Variants in BRME1 observed in about 807,000 individuals in gnomAD.
The protein encoded by BRME1 is break repair meiotic recombinase recruitment factor 1, also known as BRCA2 and MEILB2-associating protein 1.
In BRME1, 31 loss-of-function variants were observed where a neutral mutation model predicts 52.6. The ratio of observed to expected loss-of-function variants is 0.59; its 90% CI spans 0.44 to 0.80. The LOEUF is 0.80. BRME1 is among the 30% of genes least tolerant of loss of function. The pLI is 0.00. For synonymous variants in BRME1, 359 were observed against 353.6 expected (o/e 1.02, Z -0.17); for missense variants, 804 against 860.3 (o/e 0.93, Z 0.82).
intron 3 of BRME1, among the ~76,000 whole-genome samples, chr19:13,894,287 G>A (rs1022783018): frequency 9.8e-5 from 15 of 152,324 alleles, no homozygotes; most frequent in Admixed American, 2.0e-4. Context: ...CACTTTGGGA[G>A]GCCGAGGCGG....
rs527298477 is a variant in BRME1 at position 13,889,941 on chromosome 19, G to A, written c.915C>T (p.Ala305=). 6.5e-5 allele frequency: 105 copies of A among 1,612,660 alleles called. 1 individual carries two copies. In the South Asian group the frequency reaches 1.1e-3, roughly 16 times the overall value. The change falls in exon 6 of 9, where the codon GCC becomes GCT. Residue 305 remains alanine (A), a synonymous_variant. Transcript: ENST00000586783. The stretch of plus-strand genomic sequence containing the variant: ...TCTGCTGGGGGTCAGGGGAGCCCTG[G>A]GCCACAGACCCGGGTTCCAGGCACC... The part of the protein sequence containing the change: ...ASWCLEPGSV[A]QGSPDPQQTP...
At chr19:13,904,959 C>G (rs1970573115) in intron 1 of BRME1, 46 bp from the exon 2 acceptor site, 1 of 1,494,326 alleles carries the variant, frequency 6.7e-7, no homozygotes, top group Non-Finnish European at 9.3e-7. Context: ...GTCTCTGTCT[C>G]TGTTTATATC....
chr19:13,889,142 G>C (rs1324584307), intron 6 of BRME1, 46 bp downstream of exon 6: 2 of 1,499,202 alleles, frequency 1.3e-6, no homozygotes, highest in Non-Finnish European at 8.9e-7. Flanking sequence ...TGGAGGTTGG[G>C]TGCCTGCCCT....
chr19:13,890,918 T>C (rs1056410259), intron 5 of BRME1, among the ~76,000 whole-genome samples: 1 of 151,954 alleles, frequency 6.6e-6, no homozygotes, highest in East Asian at 1.9e-4. Flanking sequence ...ACCAATCTAA[T>C]AGTTGTCACC....
intron 7 of BRME1, 88 bp downstream of exon 7, chr19:13,885,873 G>T: frequency 8.6e-7 from 1 of 1,157,922 alleles, no homozygotes; most frequent in Non-Finnish European, 1.3e-6. Context: ...CAGGGAGGGA[G>T]AACTGGGGTC....
chr19:13,888,741 C>T lies in BRME1; in HGVS notation c.1668+447G>A, dbSNP rs1969221494. On this transcript the variant is annotated intron_variant, in intron 6 of 8. Coordinates refer to ENST00000586783, the MANE Select transcript of BRME1 (RefSeq NM_001345843.2). This position sits in a 1 kb window ranked among gnomAD's most constrained non-coding sequence, Gnocchi z 4.1. Reference sequence around the variant, plus strand: ...AGGACCCTAAGGAGATGGGCAAAGGCTCTTTTGCAGCTTGGGAGTGAAGCC... The same window carrying T: ...AGGACCCTAAGGAGATGGGCAAAGGTTCTTTTGCAGCTTGGGAGTGAAGCC... Among the ~76,000 whole-genome samples, 1 of 152,174 alleles carries T rather than the reference C, an allele frequency of 6.6e-6. No homozygotes were observed. Among genetic ancestry groups the T allele is most frequent in the Admixed American group, 6.5e-5 (1 of 15,274 alleles).
At chr19:13,904,941 T>C (rs201023111) in intron 1 of BRME1, 28 bp from the exon 2 acceptor site, 15 of 1,560,738 alleles carry the variant, frequency 9.6e-6, no homozygotes, top group African/African-American at 1.4e-5. Context: ...CTCTCATCAT[T>C]ATAAGCAGTC....
intron 2 of BRME1, among the ~76,000 whole-genome samples, chr19:13,901,199 A>G (rs990274293): frequency 6.7e-6 from 1 of 148,734 alleles, no homozygotes; most frequent in Admixed American, 6.7e-5. Context: ...CTGGTCATGA[A>G]CTCCTGGTCT....
At chr19:13,896,748 T>A (rs1008982083) in intron 2 of BRME1, among the ~76,000 whole-genome samples, 1 of 151,406 alleles carries the variant, frequency 6.6e-6, no homozygotes, top group African/African-American at 2.4e-5. Context: ...TAGAGTGAGG[T>A]GGTGCAACTG....
At chr19:13,886,794 T>TAAA (rs1223818237) in intron 6 of BRME1, among the ~76,000 whole-genome samples, 1 of 55,328 alleles carries the variant, frequency 1.8e-5, no homozygotes, top group African/African-American at 1.9e-4. Flanking sequence ...ACCCTGTCTG[T>TAAA]ACAAAAAAAA....
rs560607474 is a variant in BRME1 at position 13,890,819 on chromosome 19, A to G, written c.394-357T>C. Among the ~76,000 whole-genome samples the G allele has an allele frequency of 4.6e-5, 7 of 152,214 alleles. No individual in the cohort carries two copies. The East Asian group carries it at 1.4e-3, about 30-fold the overall frequency. On this transcript the variant is annotated intron_variant, in intron 5 of 8. Transcript: ENST00000586783. ...GAGGCGGAGGTTGCAGTGAGCCGAG[A>G]TAGGACTGCACTCCAGCCTGGACGA...
At chr19:13,902,878 T>C (rs940704307) in intron 2 of BRME1, among the ~76,000 whole-genome samples, 1 of 149,440 alleles carries the variant, frequency 6.7e-6, no homozygotes, top group Non-Finnish European at 1.5e-5. Flanking sequence ...TAAGCCGAGA[T>C]CGCGCCACTG....
At position 13,888,717 on chromosome 19, in the gene BRME1, G is replaced by A. The variant is rs1191818725; in HGVS notation, c.1668+471C>T. Among the ~76,000 whole-genome samples the A allele has an allele frequency of 6.6e-6, 1 of 152,196 alleles. No homozygotes were observed. Among genetic ancestry groups the A allele is most frequent in the African/African-American group, 2.4e-5 (1 of 41,444 alleles). On this transcript the variant is annotated intron_variant, in intron 6 of 8. Coordinates refer to ENST00000586783, the MANE Select transcript of BRME1 (RefSeq NM_001345843.2). This position sits in a 1 kb window ranked among gnomAD's most constrained non-coding sequence, Gnocchi z 4.1. ...AAAGAATCATATCAGGACCCCCAGA[G>A]GACCCTAAGGAGATGGGCAAAGGCT...
intron 3 of BRME1, 48 bp from the exon 4 acceptor site, chr19:13,893,271 G>C (rs1317344803): frequency 2.0e-6 from 3 of 1,492,390 alleles, no homozygotes; most frequent in Non-Finnish European, 2.7e-6. Context: ...GGGTGCGGTG[G>C]CTCACACCTG....
chr19:13,900,896 C>T (rs942806980), intron 2 of BRME1, among the ~76,000 whole-genome samples: 2 of 151,960 alleles, frequency 1.3e-5, no homozygotes, highest in South Asian at 2.1e-4. Flanking sequence ...GGTCTCGAAC[C>T]CTGACCTCAA....
chr19:13,892,753 C>T (rs371213882), intron 5 of BRME1, 33 bp downstream of exon 5: 4 of 1,582,244 alleles, frequency 2.5e-6, no homozygotes, highest in Admixed American at 3.3e-5. Context: ...TGCACCTGCG[C>T]TGGGCTCAGC....
At chr19:13,893,943 G>A (rs1157941997) in intron 3 of BRME1, among the ~76,000 whole-genome samples, 1 of 151,248 alleles carries the variant, frequency 6.6e-6, no homozygotes, top group Non-Finnish European at 1.5e-5. Context: ...CTGCTAGATG[G>A]AAGGCCCTGG....
In BRME1 at chr19:13,883,507, C is replaced by G; in HGVS notation, c.1764-107G>C. On this transcript the variant is annotated intron_variant, in intron 7 of 8. Transcript: ENST00000586783. This position sits in a 1 kb window ranked among gnomAD's most constrained non-coding sequence, Gnocchi z 4.2. ...GCCTCGCGCCATCTTTTCCAGGTGT[C>G]CAGCCTGTCCTCCTCTGTTCACGAC... is the stretch of plus-strand genomic sequence containing the variant. The G allele has an allele frequency of 1.2e-6, 1 of 808,958 alleles. No homozygotes were observed. The highest frequency in any genetic ancestry group is 2.0e-6 in the Non-Finnish European group (1 of 501,544). 50.1% of individuals were successfully genotyped at this position (808,958 alleles called of 1,614,324 possible).
intron 2 of BRME1, among the ~76,000 whole-genome samples, chr19:13,900,820 T>C (rs972645908): frequency 1.3e-5 from 2 of 151,706 alleles, no homozygotes; most frequent in African/African-American, 2.4e-5. Flanking sequence ...TACAGACACA[T>C]GCCACCATGC....
Sources: allele counts gnomAD v4.1 joint callset (sites outside exome capture counted in the v4.1 genomes callset), GRCh38; gene constraint gnomAD v4.1.1; non-coding constraint Gnocchi (gnomAD v3.1); transcripts MANE v1.5; gene names NCBI Gene and HGNC (gene_info 2026-07-23, HGNC 2026-07-21).